SFT2D1: variants seen among roughly 807,000 people sequenced by gnomAD.
SFT2D1 encodes the protein SFT2 domain containing 1.
SFT2D1 carries 24 observed loss-of-function variants against 28.1 expected under a neutral mutation model. The observed-to-expected ratio is 0.85, with a 90% CI of 0.62 to 1.20. The LOEUF (loss-of-function observed/expected upper bound fraction) is 1.20. Among genes scored for constraint, SFT2D1 ranks in the 50% most tolerant of loss-of-function variants. The probability of loss-of-function intolerance (pLI) is 0.00; values close to 1 mark genes in which losing one functional copy is unlikely to be tolerated. For synonymous variants in SFT2D1, 82 were observed against 73.7 expected (o/e 1.11, Z -0.58); for missense variants, 181 against 190.9 (o/e 0.95, Z 0.31).
chr6:166,342,204 G>A (rs1583045826), intron 1 of SFT2D1, among the ~76,000 whole-genome samples: 1 of 152,132 alleles, frequency 6.6e-6, no homozygotes, highest in South Asian at 2.1e-4. Flanking sequence ...GAGAGTCGGG[G>A]GGGGGCCTCA....
chr6:166,336,498 T>C (rs1380823913), intron 1 of SFT2D1, among the ~76,000 whole-genome samples: 1 of 152,180 alleles, frequency 6.6e-6, no homozygotes, highest in African/African-American at 2.4e-5. Flanking sequence ...CTGGGTAGCT[T>C]ATAAACAACA....
chr6:166,337,242 G>A (rs1002329933), intron 1 of SFT2D1, among the ~76,000 whole-genome samples: 4 of 152,168 alleles, frequency 2.6e-5, no homozygotes, highest in Non-Finnish European at 4.4e-5. Flanking sequence ...AGGAGTAGAC[G>A]GGACCCCCAG....
In SFT2D1 at chr6:166,328,217, T is replaced by C. The variant is rs1191228865; in HGVS notation, c.315+59A>G. The C allele has an allele frequency of 2.9e-6, 3 of 1,051,528 alleles. No homozygotes were observed. The East Asian group carries it at 8.2e-5, about 29-fold the overall frequency. The allele number at this position is 1,051,528 out of a possible 1,614,324, so 65.1% of individuals were successfully genotyped here. The stretch of plus-strand genomic sequence containing the variant: ...TACATACATAACAGGCAATTATTCG[T>C]AAAATAACAGTGCAAAGAATACTTC... On this transcript the variant is annotated intron_variant, in intron 4 of 7. Transcript: ENST00000361731.
At position 166,330,261 on chromosome 6, in the gene SFT2D1, G is replaced by A; in HGVS notation, c.64-14C>T. The A allele has an allele frequency of 6.4e-7, 1 of 1,566,958 alleles. No individual in the cohort carries two copies. On this transcript the variant is annotated splice_polypyrimidine_tract_variant and intron_variant, in intron 1 of 7. Coordinates refer to ENST00000361731, the MANE Select transcript of SFT2D1 (RefSeq NM_145169.3). ...GGCATCCAGGACCTTAATAAAAAAT[G>A]GGAAAATTTAGAATATAGTCTTAAT...
chr6:166,341,236 A>G (rs2114917623), intron 1 of SFT2D1, among the ~76,000 whole-genome samples: 1 of 152,286 alleles, frequency 6.6e-6, no homozygotes, highest in South Asian at 2.1e-4. Context: ...ACTTGAGGTC[A>G]GGAGTTCGAG....
Position 166,337,417 on chromosome 6 carries a change from T to C in SFT2D1, c.63+5002A>G, listed in dbSNP as rs532678587. On this transcript the variant is annotated intron_variant, in intron 1 of 7. Coordinates refer to ENST00000361731, the MANE Select transcript of SFT2D1 (RefSeq NM_145169.3). ...TTCCAACTCAACAGCACAGGACACT[T>C]TGGCACTCCCTCCTGCTTACAATGT... 2.1e-4 allele frequency among the ~76,000 whole-genome samples: 32 copies of C among 152,266 alleles called. No individual in the cohort carries two copies. In the East Asian group the frequency reaches 4.2e-3, roughly 20 times the overall value.
intron 6 of SFT2D1, 66 bp downstream of exon 6, chr6:166,324,471 C>T: frequency 6.6e-7 from 1 of 1,506,202 alleles, no homozygotes; most frequent in Non-Finnish European, 9.1e-7. Flanking sequence ...CTTCACAGGT[C>T]CCAAACAAAA....
At chr6:166,336,128 G>A (rs1436917736) in intron 1 of SFT2D1, among the ~76,000 whole-genome samples, 1 of 152,102 alleles carries the variant, frequency 6.6e-6, no homozygotes, top group Admixed American at 6.5e-5. Flanking sequence ...TAGTCTCCTC[G>A]GAAGCCATCT....
rs996308175 is a variant in SFT2D1 at position 166,320,176 on chromosome 6, G to C, written c.*41C>G. Reference sequence around the variant, plus strand: ...AAAAGCAAACTTCACCAAACATAGAGTACCAACATTCAAGTGCTCTTTTCC... The same window carrying C: ...AAAAGCAAACTTCACCAAACATAGACTACCAACATTCAAGTGCTCTTTTCC... On this transcript the variant is annotated 3_prime_UTR_variant, in exon 8 of 8. Transcript: ENST00000361731. 4 of 1,596,718 alleles carry C rather than the reference G, an allele frequency of 2.5e-6. No homozygotes were observed. The South Asian group carries it at 4.5e-5, about 18-fold the overall frequency.
In SFT2D1 at chr6:166,333,100, C is replaced by T. The variant is rs1286797050; in HGVS notation, c.64-2853G>A. Among the ~76,000 whole-genome samples the T allele has an allele frequency of 3.9e-5, 6 of 152,212 alleles. No individual in the cohort carries two copies. In the East Asian group the frequency reaches 1.2e-3, roughly 29 times the overall value. Reference sequence around the variant, plus strand: ...CACTGAATCCAGTATTCCTCCCACTCCTTTTTCAAAATAGCAGTGGGTATA... The same window carrying T: ...CACTGAATCCAGTATTCCTCCCACTTCTTTTTCAAAATAGCAGTGGGTATA... On this transcript the variant is annotated intron_variant, in intron 1 of 7. Transcript: ENST00000361731.
intron 1 of SFT2D1, chr6:166,334,881 C>A: frequency 2.4e-6 from 1 of 418,196 alleles, no homozygotes; most frequent in Non-Finnish European, 4.6e-6. Context: ...ACGAGGTGCC[C>A]AACTGTGAAA....
intron 1 of SFT2D1, among the ~76,000 whole-genome samples, chr6:166,334,314 G>A (rs1053633348): frequency 6.6e-6 from 1 of 152,216 alleles, no homozygotes; most frequent in Admixed American, 6.5e-5. Context: ...AATACCATAG[G>A]CCAGGCACTG....
intron 1 of SFT2D1, among the ~76,000 whole-genome samples, chr6:166,338,077 CG>C (rs1778693448): frequency 1.3e-5 from 2 of 152,118 alleles, no homozygotes; most frequent in East Asian, 1.9e-4. Context: ...CCTCAAAACC[CG>C]TAAGAAATAA....
chr6:166,331,936 T>C (rs1359667357), intron 1 of SFT2D1, among the ~76,000 whole-genome samples: 1 of 152,234 alleles, frequency 6.6e-6, no homozygotes. Flanking sequence ...TGTTCACAAG[T>C]TCAATCGCTG....
intron 1 of SFT2D1, among the ~76,000 whole-genome samples, chr6:166,335,801 G>C (rs192430288): frequency 6.6e-6 from 1 of 152,350 alleles, no homozygotes; most frequent in East Asian, 1.9e-4. Flanking sequence ...CCAGAGAAGC[G>C]ATAGGGAAGC....
chr6:166,326,054 G>C, intron 5 of SFT2D1, 78 bp downstream of exon 5: 1 of 1,308,504 alleles, frequency 7.6e-7, no homozygotes, highest in Non-Finnish European at 1.1e-6. Context: ...GCTATTTTAA[G>C]ATAATGGTGT....
intron 1 of SFT2D1, among the ~76,000 whole-genome samples, chr6:166,340,405 C>T (rs1778753969): frequency 1.3e-5 from 2 of 152,214 alleles, no homozygotes; most frequent in Admixed American, 6.5e-5. Context: ...TTTCTATGGC[C>T]TATGAGAACC....
intron 5 of SFT2D1, chr6:166,325,881 T>C (rs1251772703): frequency 1.1e-5 from 6 of 562,612 alleles, no homozygotes; most frequent in Non-Finnish European, 1.9e-5. Flanking sequence ...ATGGCACATT[T>C]AGCCACCAGC....
chr6:166,330,157 T>G lies in SFT2D1; in HGVS notation c.150+4A>C. The G allele has an allele frequency of 6.3e-7, 1 of 1,577,080 alleles. No homozygotes were observed. Among genetic ancestry groups the G allele is most frequent in the South Asian group, 1.2e-5 (1 of 84,228 alleles). The stretch of plus-strand genomic sequence containing the variant: ...TTATTAAACAATATAAAGCCTTAAC[T>G]CACAAGAATAGAAAAGAAAACGCCA... On this transcript the variant is annotated splice_donor_region_variant and intron_variant, in intron 2 of 7. Coordinates refer to ENST00000361731, the MANE Select transcript of SFT2D1 (RefSeq NM_145169.3).
Sources: gnomAD v4.1 joint callset for allele counts (sites outside exome capture counted in the v4.1 genomes callset) on GRCh38, gnomAD v4.1.1 for gene constraint, MANE v1.5 for transcripts, NCBI Gene and HGNC (gene_info 2026-07-23, HGNC 2026-07-21) for gene names.